Variants in LARGE1 observed in about 807,000 individuals in gnomAD.
LARGE1 encodes the protein xylosyl- and glucuronyltransferase LARGE1.
LARGE1 carries 43 observed loss-of-function variants against 87.6 expected under a neutral mutation model. The observed-to-expected ratio is 0.49, with a 90% CI of 0.38 to 0.63. The LOEUF is 0.63. LARGE1 is among the 30% of genes least tolerant of loss of function. The pLI is 0.00. For missense variants in LARGE1, 802 were observed against 1,000.2 expected, an observed-to-expected ratio of 0.80 and a Z score of 2.67; for synonymous variants, 434 against 394.6, an observed-to-expected ratio of 1.10 and a Z score of -1.18.
At chr22:33,285,450 CCT>C (rs1432491186) in intron 12 of LARGE1, among the ~76,000 whole-genome samples, 1 of 151,982 alleles carries the variant, frequency 6.6e-6, no homozygotes, top group Non-Finnish European at 1.5e-5. Flanking sequence ...ATGGTGAAAC[CCT>C]GTCTCTACTA....
rs542438823 is a variant in LARGE1, at chr22:33,451,193, C to T, written c.788-18928G>A. On this transcript the variant is annotated intron_variant, in intron 6 of 14. Coordinates refer to ENST00000397394, the MANE Select transcript of LARGE1 (RefSeq NM_133642.5). ...CTTTGAATAGTTTTGATATCCTTTC[C>T]GATGGAGGCATCCAAGTTCAGGGTA... 5.9e-5 allele frequency among the ~76,000 whole-genome samples: 9 copies of T among 152,076 alleles called. No homozygotes were observed. The South Asian group carries it at 8.3e-4, about 14-fold the overall frequency.
At chr22:33,317,094 A>G (rs990100758) in intron 10 of LARGE1, among the ~76,000 whole-genome samples, 3 of 151,552 alleles carry the variant, frequency 2.0e-5, no homozygotes, top group Non-Finnish European at 4.4e-5. Flanking sequence ...GACACCTGTA[A>G]TCCCACCTAC....
chr22:33,289,823 A>T (rs1286499339), intron 12 of LARGE1, among the ~76,000 whole-genome samples: 1 of 152,078 alleles, frequency 6.6e-6, no homozygotes, highest in Non-Finnish European at 1.5e-5. Context: ...AAAGCCCCCC[A>T]CAGCCTCCTC....
chr22:33,204,591 A>G (rs1419103110), intron 11 of LARGE1, among the ~76,000 whole-genome samples: 1 of 152,178 alleles, frequency 6.6e-6, no homozygotes, highest in African/African-American at 2.4e-5. Context: ...AGCCACCTCC[A>G]AACACTTTCA....
chr22:33,467,255 T>C (rs1303286497), intron 6 of LARGE1, among the ~76,000 whole-genome samples: 1 of 152,204 alleles, frequency 6.6e-6, no homozygotes, highest in East Asian at 1.9e-4. Context: ...GTGTGCTCAG[T>C]GCTGAGACAT....
intron 8 of LARGE1, among the ~76,000 whole-genome samples, chr22:33,382,631 T>G (rs1411968020): frequency 1.3e-5 from 2 of 152,206 alleles, no homozygotes; most frequent in African/African-American, 2.4e-5. Flanking sequence ...TTACCTTTTT[T>G]GGGCTCTTCT....
intron 6 of LARGE1, among the ~76,000 whole-genome samples, chr22:33,557,953 G>A (rs2077743257): frequency 6.6e-6 from 1 of 152,170 alleles, no homozygotes; most frequent in Admixed American, 6.5e-5. Flanking sequence ...CCAAGAACAG[G>A]CCAAGCCTCG....
At chr22:33,214,735 G>A (rs1458742329) in intron 11 of LARGE1, among the ~76,000 whole-genome samples, 2 of 152,128 alleles carry the variant, frequency 1.3e-5, no homozygotes, top group African/African-American at 2.4e-5. Flanking sequence ...TTTCCTTCAG[G>A]TTCCATTTTC....
At chr22:33,544,450 G>A (rs1367272693) in intron 6 of LARGE1, among the ~76,000 whole-genome samples, 3 of 152,190 alleles carry the variant, frequency 2.0e-5, no homozygotes, top group African/African-American at 7.2e-5. Context: ...ACTTTGGGAG[G>A]CTGAGGCGGG....
At chr22:33,713,638 C>T (rs921173381) in intron 2 of LARGE1, among the ~76,000 whole-genome samples, 1 of 151,840 alleles carries the variant, frequency 6.6e-6, no homozygotes, top group African/African-American at 2.4e-5. Flanking sequence ...GTTTACTCTT[C>T]TTCCTTGATA....
At chr22:33,794,222 C>CTG (rs1265755624) in intron 1 of LARGE1, among the ~76,000 whole-genome samples, 1 of 152,158 alleles carries the variant, frequency 6.6e-6, no homozygotes, top group Non-Finnish European at 1.5e-5. Flanking sequence ...CTGGTGGAGA[C>CTG]TGTGCAGCCG....
At chr22:33,133,881 G>A in the LARGE1 span, among the ~76,000 whole-genome samples, 1 of 152,184 alleles carries the variant, frequency 6.6e-6, no homozygotes, top group African/African-American at 2.4e-5. Context: ...AAGAGAATGT[G>A]TGCTGGGTTA....
At chr22:33,909,318 G>A (rs535237198) in intron 1 of LARGE1, among the ~76,000 whole-genome samples, 6 of 152,066 alleles carry the variant, frequency 3.9e-5, no homozygotes, top group Non-Finnish European at 5.9e-5. Flanking sequence ...CCAGCCTGGC[G>A]GCCCTTAGAA....
intron 1 of LARGE1, among the ~76,000 whole-genome samples, chr22:33,841,245 T>C (rs2063274242): frequency 1.3e-5 from 2 of 152,196 alleles, no homozygotes; most frequent in African/African-American, 4.8e-5. Context: ...TTTTTCCTCT[T>C]ACAAATGTAC....
intron 1 of LARGE1, among the ~76,000 whole-genome samples, chr22:33,771,997 C>T (rs537368481): frequency 1.3e-4 from 20 of 152,306 alleles, no homozygotes; most frequent in African/African-American, 4.8e-4. Flanking sequence ...GCCCCATGCC[C>T]GTGGCTTCTG....
At chr22:33,545,584 G>C (rs2077339607) in intron 6 of LARGE1, among the ~76,000 whole-genome samples, 1 of 152,188 alleles carries the variant, frequency 6.6e-6, no homozygotes, top group African/African-American at 2.4e-5. Context: ...TGGGACTACA[G>C]GCACATACCA....
rs771223090 is a variant in LARGE1, at chr22:33,761,508, G to A, written c.-32C>T. The A allele has an allele frequency of 9.0e-6, 14 of 1,550,198 alleles. No homozygotes were observed. Among genetic ancestry groups the A allele is most frequent in the South Asian group, 3.3e-5 (3 of 89,852 alleles). ...AGAAGTGGCAATCCCTAATCCCAGC[G>A]CCGTTTCTCTGTCCGGAGCATGAAG... On this transcript the variant is annotated 5_prime_UTR_variant, in exon 2 of 15. Coordinates refer to ENST00000397394, the MANE Select transcript of LARGE1 (RefSeq NM_133642.5).
At chr22:33,197,729 T>C (rs1000652573) in intron 11 of LARGE1, among the ~76,000 whole-genome samples, 29 of 152,110 alleles carry the variant, frequency 1.9e-4, no homozygotes, top group African/African-American at 7.0e-4. Context: ...ATCTATATAT[T>C]CAATGCACTC....
chr22:33,330,514 G>T lies in LARGE1; in HGVS notation c.1287+7132C>A, dbSNP rs739022. Among the ~76,000 whole-genome samples the T allele has an allele frequency of 1.9e-4, 29 of 152,034 alleles. 2 individuals are homozygous for T. In the South Asian group the frequency reaches 2.7e-3, roughly 14 times the overall value. ...TTTCTTGGATATTCTTGAGGGGCTG[G>T]GTTGTTGAGGAAAAGGGAGAGAAAT... On this transcript the variant is annotated intron_variant, in intron 10 of 14. Transcript: ENST00000397394.
Sources: gnomAD v4.1 joint callset for allele counts (sites outside exome capture counted in the v4.1 genomes callset) on GRCh38, gnomAD v4.1.1 for gene constraint, MANE v1.5 for transcripts, NCBI Gene and HGNC (gene_info 2026-07-23, HGNC 2026-07-21) for gene names.